The following USP5 variants were observed in gnomAD, a reference collection of about 807,000 sequenced individuals.
USP5 encodes ubiquitin carboxyl-terminal hydrolase 5.
A neutral mutation model predicts 102.5 loss-of-function variants in USP5; 24 were observed. That is an observed-to-expected ratio of 0.23 (90% confidence interval 0.17 to 0.33). The LOEUF (loss-of-function observed/expected upper bound fraction) is 0.33. Among genes scored for constraint, USP5 ranks in the 10% least tolerant of loss-of-function variants. The pLI is 1.00. For missense variants in USP5, 753 were observed against 1,122.1 expected (o/e 0.67, Z 4.70); for synonymous variants, 460 against 434.8 (o/e 1.06, Z -0.72).
chr12:6,859,645 T>TTTTTG (rs782289463), intron 9 of USP5, 104 bp downstream of exon 9: 40 of 1,202,300 alleles, frequency 3.3e-5, no homozygotes, highest in Middle Eastern at 2.1e-4. Flanking sequence ...CCCTGGCCTT[T>TTTTTG]TTTTGTTTTG....
chr12:6,861,671 G>C lies in USP5; in HGVS notation c.1673+54G>C. Reference sequence around the variant, plus strand: ...GTGGGTCTATGGCAGAGCTATCCCAGAGGATACTTCTGTCTCTTCCCTGTT... The same window carrying C: ...GTGGGTCTATGGCAGAGCTATCCCACAGGATACTTCTGTCTCTTCCCTGTT... On this transcript the variant is annotated intron_variant, in intron 13 of 19. Transcript: ENST00000229268. This position sits in a 1 kb window ranked among gnomAD's most constrained non-coding sequence, Gnocchi z 4.9. 7.0e-7 allele frequency: 1 copy of C among 1,437,702 alleles called. No individual in the cohort carries two copies. Among genetic ancestry groups the C allele is most frequent in the Non-Finnish European group, 9.2e-7 (1 of 1,091,068 alleles). The allele number at this position is 1,437,702 out of a possible 1,614,324, so 89.1% of individuals were successfully genotyped here.
rs199642135 is a variant in USP5, at chr12:6,856,273, G to A, written c.439-32G>A. ...AGAGGGGCATGTGGGGCAGGGGGTT[G>A]GGTATTGCCTCTGACCCTCTGCTTC... On this transcript the variant is annotated intron_variant, in intron 4 of 19. Transcript: ENST00000229268. The surrounding 1 kb of genome is among the most constrained non-coding windows in gnomAD (Gnocchi z 5.6). 4,427 of 1,606,618 alleles carry A rather than the reference G, an allele frequency of 2.8e-3. 11 individuals carry two copies. Among genetic ancestry groups the A allele is most frequent in the Non-Finnish European group, 3.5e-3 (4,130 of 1,175,558 alleles).
intron 6 of USP5, among the ~76,000 whole-genome samples, chr12:6,857,148 G>T (rs782310030): frequency 6.6e-6 from 1 of 152,050 alleles, no homozygotes; most frequent in Admixed American, 6.5e-5. Flanking sequence ...AGAAAAATTG[G>T]CTGGGTGTGG....
In USP5 at chr12:6,855,904, G is replaced by A; in HGVS notation, c.304+83G>A. 1 of 1,608,898 alleles carries A rather than the reference G, an allele frequency of 6.2e-7. No homozygotes were observed. The highest frequency in any genetic ancestry group is 8.5e-7 in the Non-Finnish European group (1 of 1,176,062). ...GCACCAGGAAAGCCCCAAAGAGTGG[G>A]CCTGATTGATGGCCCTAGAACTCTG... is the stretch of plus-strand genomic sequence containing the variant. On this transcript the variant is annotated intron_variant, in intron 3 of 19. Coordinates refer to ENST00000229268, the MANE Select transcript of USP5 (RefSeq NM_001098536.2). The surrounding 1 kb of genome is among the most constrained non-coding windows in gnomAD (Gnocchi z 4.6).
At position 6,863,090 on chromosome 12, in the gene USP5, C is replaced by T. The variant is rs1289685905; in HGVS notation, c.1763-96C>T. The stretch of plus-strand genomic sequence containing the variant: ...CCGTGCTTTTAGCAGCTCCTCTTTA[C>T]AGAGCAGTTCTGACATAGGGGGCAG... On this transcript the variant is annotated intron_variant, in intron 14 of 19. Coordinates refer to ENST00000229268, the MANE Select transcript of USP5 (RefSeq NM_001098536.2). This position sits in a 1 kb window ranked among gnomAD's most constrained non-coding sequence, Gnocchi z 4.7. 3.2e-6 allele frequency: 4 copies of T among 1,265,114 alleles called. No homozygotes were observed. The highest frequency in any genetic ancestry group is 4.3e-6 in the Non-Finnish European group (4 of 931,522). The allele number at this position is 1,265,114 out of a possible 1,614,324, so 78.4% of individuals were successfully genotyped here. A position where few individuals can be genotyped will look rare whatever the true frequency, so the allele number is the denominator to read the frequency against.
chr12:6,854,382 G>A (rs1944047173), intron 1 of USP5, among the ~76,000 whole-genome samples: 1 of 152,146 alleles, frequency 6.6e-6, no homozygotes. Context: ...TCCCCTGGAA[G>A]CCACACTTCA....
At position 6,858,461 on chromosome 12, in the gene USP5, A is replaced by G; in HGVS notation, c.902A>G (p.Asn301Ser). The change falls in exon 8 of 20, where the codon AAC (asparagine) becomes AGC (serine). Residue 301 changes from asparagine (N) to serine (S), a missense_variant. Physicochemically the swap from Asn to Ser is conservative, Grantham distance 46 (BLOSUM62 1). Coordinates refer to ENST00000229268, the MANE Select transcript of USP5 (RefSeq NM_001098536.2). This position sits in a 1 kb window ranked among gnomAD's most constrained non-coding sequence, Gnocchi z 4.2. ...ATGACTGAGTTGGAGATAGACATGA[A>G]CCAGCGGATTGGTGAATGGGAGCTG... ...KTMTELEIDM[N>S]QRIGEWELIQ... The G allele has an allele frequency of 6.2e-7, 1 of 1,611,276 alleles. No individual in the cohort carries two copies. Among genetic ancestry groups the G allele is most frequent in the Non-Finnish European group, 8.5e-7 (1 of 1,177,576 alleles).
chr12:6,857,846 C>G lies in USP5; in HGVS notation c.864+123C>G, dbSNP rs1944166175. 4 of 855,612 alleles carry G rather than the reference C, an allele frequency of 4.7e-6. No individual in the cohort carries two copies. In the South Asian group the frequency reaches 6.4e-5, roughly 14 times the overall value. 53.0% of individuals were successfully genotyped at this position (855,612 alleles called of 1,614,324 possible). ...TAGTTAACCCCATCCCCAAGATACACAGGCTTCTTTTAAATATCTAAAATC... is the reference window on the plus strand; with the variant it reads ...TAGTTAACCCCATCCCCAAGATACAGAGGCTTCTTTTAAATATCTAAAATC... On this transcript the variant is annotated intron_variant, in intron 7 of 19. Coordinates refer to ENST00000229268, the MANE Select transcript of USP5 (RefSeq NM_001098536.2).
Position 6,860,258 on chromosome 12 carries a change from C to T in USP5, c.1218+20C>T. 6.2e-7 allele frequency: 1 copy of T among 1,610,778 alleles called. No individual in the cohort carries two copies. Among genetic ancestry groups the T allele is most frequent in the East Asian group, 2.2e-5 (1 of 44,826 alleles). On this transcript the variant is annotated intron_variant, in intron 10 of 19. Coordinates refer to ENST00000229268, the MANE Select transcript of USP5 (RefSeq NM_001098536.2). The surrounding 1 kb of genome is among the most constrained non-coding windows in gnomAD (Gnocchi z 5.5). The stretch of plus-strand genomic sequence containing the variant: ...CAGAAGGTGCGTCTAGGACCCTGTC[C>T]CTTTCAGGCCCTGGGATTGTGGGGA...
chr12:6,852,323 G>A, intron 1 of USP5, 33 bp downstream of exon 1: 3 of 1,578,302 alleles, frequency 1.9e-6, no homozygotes, highest in Non-Finnish European at 2.6e-6. Context: ...CAACGAGCAC[G>A]ACTTCCTTCC....
In USP5 at chr12:6,856,760, C is replaced by T. The variant is rs1944125986; in HGVS notation, c.638C>T (p.Thr213Ile). The T allele has an allele frequency of 1.2e-6, 2 of 1,614,122 alleles. No individual in the cohort carries two copies. Among genetic ancestry groups the T allele is most frequent in the Non-Finnish European group, 1.7e-6 (2 of 1,180,034 alleles). ...AGAGAGAACCTGTGGCTCAACCTGA[C>T]TGATGGCTCCATCCTCTGTGGGCGA... is the stretch of plus-strand genomic sequence containing the variant. ...DMRENLWLNL[T>I]DGSILCGRRY... Residue 213 changes from threonine (T) to isoleucine (I), a missense_variant, in exon 6 of 20, where the codon ACT (threonine) becomes ATT (isoleucine). Coordinates refer to ENST00000229268, the MANE Select transcript of USP5 (RefSeq NM_001098536.2). The surrounding 1 kb of genome is among the most constrained non-coding windows in gnomAD (Gnocchi z 5.6).
chr12:6,853,381 G>A (rs1591603129), intron 1 of USP5, among the ~76,000 whole-genome samples: 1 of 152,340 alleles, frequency 6.6e-6, no homozygotes, highest in Admixed American at 6.5e-5. Context: ...GGTTTGCTAG[G>A]CTTTGATCTG....
chr12:6,859,642 C>G (rs559317731), intron 9 of USP5, 101 bp downstream of exon 9: 22 of 1,214,610 alleles, frequency 1.8e-5, no homozygotes, highest in African/African-American at 3.0e-5. Context: ...AACCCCTGGC[C>G]TTTTTTTGTT....
rs202049140 is a variant in USP5 at position 6,858,545 on chromosome 12, G to A, written c.986G>A (p.Arg329Gln). 110 of 1,613,686 alleles carry A rather than the reference G, an allele frequency of 6.8e-5. No homozygotes were observed. Among genetic ancestry groups the A allele is most frequent in the East Asian group, 6.2e-4 (28 of 44,888 alleles). Reference protein sequence around the residue: ...PLFGPGYTGIRNLGNSCYLNS... With the variant: ...PLFGPGYTGIQNLGNSCYLNS... The stretch of plus-strand genomic sequence containing the variant: ...TTTGGGCCTGGCTACACAGGCATCC[G>A]GAACCTGGGTAACAGCTGCTACCTC... Residue 329 changes from arginine to glutamine, a missense_variant, in exon 8 of 20, where the codon CGG becomes CAG. Physicochemically the swap from Arg to Gln is conservative, Grantham distance 43. Coordinates refer to ENST00000229268, the MANE Select transcript of USP5 (RefSeq NM_001098536.2). The surrounding 1 kb of genome is among the most constrained non-coding windows in gnomAD (Gnocchi z 4.2).
Position 6,860,880 on chromosome 12 carries a change from C to G in USP5, c.1345-73C>G. The G allele has an allele frequency of 1.3e-6, 2 of 1,580,884 alleles. No individual in the cohort carries two copies. The highest frequency in any genetic ancestry group is 2.3e-5 in the South Asian group (2 of 87,818). ...GGTAGTCTGCCTTCTCTCCCTGACT[C>G]TCCCATGAACCTTTCAGGCCCCATT... On this transcript the variant is annotated intron_variant, in intron 11 of 19. Transcript: ENST00000229268. This position sits in a 1 kb window ranked among gnomAD's most constrained non-coding sequence, Gnocchi z 5.5.
Position 6,864,965 on chromosome 12 carries a change from A to C in USP5, c.2398+90A>C. On this transcript the variant is annotated intron_variant, in intron 18 of 19. Coordinates refer to ENST00000229268, the MANE Select transcript of USP5 (RefSeq NM_001098536.2). The surrounding 1 kb of genome is among the most constrained non-coding windows in gnomAD (Gnocchi z 4.8). ...TCATTCAGGCAGCTCTGCCCTCCTC[A>C]GGAGTCAGGGGCTTCTTTCCACCTC... The C allele has an allele frequency of 6.6e-7, 1 of 1,519,008 alleles. No individual in the cohort carries two copies. 94.1% of individuals were successfully genotyped at this position (1,519,008 alleles called of 1,614,324 possible). A position where few individuals can be genotyped will look rare whatever the true frequency, so the allele number is the denominator to read the frequency against.
chr12:6,857,633 G>T lies in USP5; in HGVS notation c.774G>T (p.Val258=), dbSNP rs897876037. The change falls in exon 7 of 20, where the codon GTG becomes GTT. Residue 258 remains valine (V), a synonymous_variant. Transcript: ENST00000229268. ...TCTTCCTGCCTCCTGCTCTAGACGT[G>T]TACTCATATGATGAGGATGACATGG... ...LGTITPDGAD[V]YSYDEDDMVL... 4.3e-6 allele frequency: 7 copies of T among 1,613,522 alleles called. No homozygotes were observed. In the African/African-American group the frequency reaches 8.0e-5, roughly 18 times the overall value.
At position 6,863,998 on chromosome 12, in the gene USP5, G is replaced by A; in HGVS notation, c.2098+25G>A. 3 of 1,582,468 alleles carry A rather than the reference G, an allele frequency of 1.9e-6. No individual in the cohort carries two copies. Among genetic ancestry groups the A allele is most frequent in the Non-Finnish European group, 2.6e-6 (3 of 1,159,182 alleles). Reference sequence around the variant, plus strand: ...GGTAGGCTGGGGTGGGGAGCAGGGTGGGGCAGGGCCTCCATCCTCCCCCAA... The same window carrying A: ...GGTAGGCTGGGGTGGGGAGCAGGGTAGGGCAGGGCCTCCATCCTCCCCCAA... On this transcript the variant is annotated intron_variant, in intron 16 of 19. Transcript: ENST00000229268. The surrounding 1 kb of genome is among the most constrained non-coding windows in gnomAD (Gnocchi z 4.7).
At position 6,864,191 on chromosome 12, in the gene USP5, C is replaced by T. The variant is rs782682274; in HGVS notation, c.2240C>T (p.Ala747Val). 2.5e-6 allele frequency: 4 copies of T among 1,605,844 alleles called. No individual in the cohort carries two copies. In the Admixed American group the frequency reaches 6.8e-5, roughly 27 times the overall value. Residue 747 changes from alanine to valine, a missense_variant, in exon 17 of 20, where the codon GCC (alanine) becomes GTC (valine). Ala to Val is a moderately conservative substitution (Grantham distance 64). This residue lies in a region of USP5 where 193 missense variants were observed against 230.2 expected (regional missense o/e 0.84). Coordinates refer to ENST00000229268, the MANE Select transcript of USP5 (RefSeq NM_001098536.2). The surrounding 1 kb of genome is among the most constrained non-coding windows in gnomAD (Gnocchi z 4.8). ...GACCAGGCCTTGAAAGCGCTGCGGG[C>T]CACGGTATGGGCTGCCCCAGCTAAG... ...SRDQALKALR[A>V]TNNSLERAVD...
Sources: allele counts gnomAD v4.1 joint callset (sites outside exome capture counted in the v4.1 genomes callset), GRCh38; gene constraint gnomAD v4.1.1; regional missense constraint gnomAD v4.1.1; non-coding constraint Gnocchi (gnomAD v3.1); transcripts MANE v1.5; gene names NCBI Gene and HGNC (gene_info 2026-07-23, HGNC 2026-07-21).